Variants in LRP1B observed in about 807,000 individuals in gnomAD.
LRP1B encodes the protein LDL receptor related protein 1B.
In LRP1B, 217 loss-of-function variants were observed where a neutral mutation model predicts 556.6. That is an observed-to-expected ratio of 0.39 (90% CI 0.35 to 0.44). LRP1B has a LOEUF of 0.44. Ranked by LOEUF, LRP1B falls within the 20% of genes least tolerant of loss-of-function variation. The probability of loss-of-function intolerance (pLI) is 1.00; values close to 1 mark genes in which losing one functional copy is unlikely to be tolerated. For synonymous variants in LRP1B, 2,047 were observed against 1,865.8 expected (o/e 1.10, Z -2.50); for missense variants, 5,053 against 5,620.8 (o/e 0.90, Z 3.23).
chr2:140,613,403 A>ATAATTATATACAT (rs1320344969), intron 41 of LRP1B, among the ~76,000 whole-genome samples: 1 of 144,934 alleles, frequency 6.9e-6, no homozygotes, highest in South Asian at 2.1e-4. Flanking sequence ...AAATATAAAT[A>ATAATTATATACAT]ATTATATACA....
intron 41 of LRP1B, among the ~76,000 whole-genome samples, chr2:140,683,205 G>A (rs1375617041): frequency 1.3e-5 from 2 of 151,988 alleles, no homozygotes; most frequent in African/African-American, 4.8e-5. Context: ...CAGCAGACTG[G>A]GGAGAACAAT....
intron 2 of LRP1B, among the ~76,000 whole-genome samples, chr2:141,633,414 C>T (rs1256149580): frequency 6.6e-6 from 1 of 152,108 alleles, no homozygotes; most frequent in East Asian, 1.9e-4. Context: ...ATCATTATTA[C>T]AGCAGACTTG....
At chr2:141,770,697 C>G (rs887937441) in intron 2 of LRP1B, among the ~76,000 whole-genome samples, 2 of 152,156 alleles carry the variant, frequency 1.3e-5, no homozygotes, top group South Asian at 4.1e-4. Context: ...GATTGCAATG[C>G]CCAGTAGAGA....
chr2:142,103,163 A>G (rs1173542366), intron 1 of LRP1B, among the ~76,000 whole-genome samples: 1 of 152,000 alleles, frequency 6.6e-6, no homozygotes, highest in African/African-American at 2.4e-5. Flanking sequence ...TTTGCTAACA[A>G]GTTATCCACA....
rs535042969 is a variant in LRP1B, at chr2:141,520,720, A to C, written c.206-40187T>G. ...TTGTTGATAGAGCTTATAAACTGCC[A>C]AACACACAAAAAAAAGTGGAAGTAT... On this transcript the variant is annotated intron_variant, in intron 2 of 90. Coordinates refer to ENST00000389484, the MANE Select transcript of LRP1B (RefSeq NM_018557.3). Among the ~76,000 whole-genome samples the C allele has an allele frequency of 2.1e-3, 316 of 152,224 alleles. 1 individual carries two copies. Among genetic ancestry groups the C allele is most frequent in the African/African-American group, 7.3e-3 (304 of 41,524 alleles).
At chr2:140,415,396 T>A (rs563262645) in intron 66 of LRP1B, among the ~76,000 whole-genome samples, 1 of 152,314 alleles carries the variant, frequency 6.6e-6, no homozygotes, top group South Asian at 2.1e-4. Context: ...ACCTACTCCC[T>A]GTTCTTACAC....
At chr2:141,946,952 G>T (rs1210999673) in intron 1 of LRP1B, among the ~76,000 whole-genome samples, 1 of 152,094 alleles carries the variant, frequency 6.6e-6, no homozygotes, top group African/African-American at 2.4e-5. Context: ...TGTTTCTTAG[G>T]CTGCTAAGCA....
intron 3 of LRP1B, among the ~76,000 whole-genome samples, chr2:141,274,525 T>G (rs1175756166): frequency 2.0e-5 from 3 of 152,154 alleles, no homozygotes; most frequent in Non-Finnish European, 4.4e-5. Context: ...AAAAGTAGAA[T>G]GGTTGTTCCT....
chr2:141,914,991 A>G (rs58357963), intron 1 of LRP1B, among the ~76,000 whole-genome samples: 61,643 of 152,044 alleles, frequency 0.41, 12,843 homozygotes, highest in South Asian at 0.55. Flanking sequence ...ATAGAATTAG[A>G]TAAACTAATC....
chr2:140,351,333 C>T (rs1034159652), intron 76 of LRP1B, among the ~76,000 whole-genome samples: 23 of 151,946 alleles, frequency 1.5e-4, no homozygotes, highest in African/African-American at 5.5e-4. Flanking sequence ...TTTGATAAGT[C>T]ACAATACACT....
chr2:141,716,538 G>C (rs535177195), intron 2 of LRP1B, among the ~76,000 whole-genome samples: 66 of 152,082 alleles, frequency 4.3e-4, no homozygotes, highest in African/African-American at 1.5e-3. Context: ...AAATTTAGGA[G>C]GGATAAAGAA....
chr2:140,945,021 G>A (rs911057559), intron 20 of LRP1B, among the ~76,000 whole-genome samples: 2 of 151,968 alleles, frequency 1.3e-5, no homozygotes, highest in African/African-American at 4.8e-5. Flanking sequence ...AAGCCAAAAG[G>A]CAACTAGCCC....
intron 1 of LRP1B, among the ~76,000 whole-genome samples, chr2:141,811,011 T>C (rs1423165463): frequency 6.6e-6 from 1 of 152,026 alleles, no homozygotes; most frequent in African/African-American, 2.4e-5. Flanking sequence ...AGGTTTTTTT[T>C]CTAACTCAAA....
intron 3 of LRP1B, among the ~76,000 whole-genome samples, chr2:141,473,510 G>A (rs563382089): frequency 6.6e-6 from 1 of 152,240 alleles, no homozygotes; most frequent in African/African-American, 2.4e-5. Flanking sequence ...AACTAACTCA[G>A]TTACTTAAAC....
intron 1 of LRP1B, among the ~76,000 whole-genome samples, chr2:142,096,865 C>A (rs776672981): frequency 2.0e-5 from 3 of 150,808 alleles, no homozygotes; most frequent in Non-Finnish European, 3.0e-5. Context: ...TTAACCCTTT[C>A]TCCTCTCCCT....
chr2:141,347,273 G>C (rs2105530223), intron 3 of LRP1B, among the ~76,000 whole-genome samples: 1 of 151,870 alleles, frequency 6.6e-6, no homozygotes, highest in Middle Eastern at 3.4e-3. Flanking sequence ...TTTGTATTCT[G>C]ATAATGTTAT....
chr2:141,382,916 A>G (rs138255909), intron 3 of LRP1B, among the ~76,000 whole-genome samples: 1 of 152,316 alleles, frequency 6.6e-6, no homozygotes, highest in East Asian at 1.9e-4. Context: ...CAAAGGAAAA[A>G]GTCAACAGAG....
At chr2:140,946,049 T>C (rs2105293185) in intron 20 of LRP1B, among the ~76,000 whole-genome samples, 1 of 152,224 alleles carries the variant, frequency 6.6e-6, no homozygotes, top group South Asian at 2.1e-4. Flanking sequence ...GCCAAAGACA[T>C]GAACAGACAC....
At chr2:141,411,558 G>A (rs548498577) in intron 3 of LRP1B, among the ~76,000 whole-genome samples, 1 of 152,188 alleles carries the variant, frequency 6.6e-6, no homozygotes, top group African/African-American at 2.4e-5. Flanking sequence ...AGACTTGCTT[G>A]GATAGATGAA....
Sources: gnomAD v4.1 joint callset for allele counts (sites outside exome capture counted in the v4.1 genomes callset) on GRCh38, gnomAD v4.1.1 for gene constraint, MANE v1.5 for transcripts, NCBI Gene and HGNC (gene_info 2026-07-23, HGNC 2026-07-21) for gene names.